Variants in KATNIP observed in about 807,000 individuals in gnomAD.
The protein encoded by KATNIP is katanin-interacting protein.
In KATNIP, 126 loss-of-function variants were observed where a neutral mutation model predicts 174.0. The ratio of observed to expected loss-of-function variants is 0.72; its 90% CI spans 0.63 to 0.84. The LOEUF is 0.84. Ranked by LOEUF, KATNIP falls within the 40% of genes least tolerant of loss-of-function variation. The pLI, the probability that KATNIP is intolerant of heterozygous loss-of-function variation, is 0.00. For missense variants in KATNIP, 1,958 were observed against 2,109.7 expected (o/e 0.93, Z 1.41); for synonymous variants, 810 against 835.7 (o/e 0.97, Z 0.53).
intron 13 of KATNIP, among the ~76,000 whole-genome samples, chr16:27,710,682 T>C (rs1377930714): frequency 2.0e-5 from 3 of 152,194 alleles, no homozygotes; most frequent in African/African-American, 7.2e-5. Flanking sequence ...TGTAAAATTT[T>C]TTATAGAGAC....
chr16:27,669,134 CA>C (rs1333587620), intron 6 of KATNIP, among the ~76,000 whole-genome samples: 4 of 152,310 alleles, frequency 2.6e-5, no homozygotes, highest in Non-Finnish European at 4.4e-5. Flanking sequence ...ACTATTATTG[CA>C]AAAACTTCAT....
At chr16:27,559,488 C>T (rs576721371) in intron 1 of KATNIP, among the ~76,000 whole-genome samples, 2 of 151,220 alleles carry the variant, frequency 1.3e-5, no homozygotes, top group Admixed American at 1.3e-4. Context: ...TTGAGATCAG[C>T]CTGGGCAACA....
intron 13 of KATNIP, among the ~76,000 whole-genome samples, chr16:27,719,934 G>A (rs570050897): frequency 6.4e-4 from 97 of 151,764 alleles, no homozygotes; most frequent in African/African-American, 2.2e-3. Flanking sequence ...AGCCTCCCAA[G>A]TCACTGGGAT....
At position 27,761,583 on chromosome 16, in the gene KATNIP, C is replaced by G; in HGVS notation, c.3802C>G (p.Leu1268Val). ...LPEYSDDSRA[L>V]DKLIDGTNIT... ...CGAGTACTCTGACGACTCCCGGGCCCTGGACAAGTAAGTGTCTATCAGAAG... is the reference window on the plus strand; with the variant it reads ...CGAGTACTCTGACGACTCCCGGGCCGTGGACAAGTAAGTGTCTATCAGAAG... The change falls in exon 19 of 28, where the codon CTG (leucine) becomes GTG (valine). Residue 1268 changes from leucine (L) to valine (V), a missense_variant. By Grantham distance (32) the Leu-to-Val change is conservative. Around this residue, in one of 3 missense-constraint regions of KATNIP, gnomAD observed 18 missense variants for 35.8 expected, o/e 0.50. Coordinates refer to ENST00000261588, the MANE Select transcript of KATNIP (RefSeq NM_015202.5). 1 of 1,613,108 alleles carries G rather than the reference C, an allele frequency of 6.2e-7. No homozygotes were observed. The highest frequency in any genetic ancestry group is 8.5e-7 in the Non-Finnish European group (1 of 1,179,276).
rs1028886803 is a variant in KATNIP, at chr16:27,740,369, G to A, written c.2072G>A (p.Ser691Asn). The A allele has an allele frequency of 1.2e-6, 2 of 1,614,160 alleles. No individual in the cohort carries two copies. Among genetic ancestry groups the A allele is most frequent in the East Asian group, 2.2e-5 (1 of 44,892 alleles). ...RKNSTNCRKD[S>N]LSQLEEYLRL... ...AATTCTACTAATTGCAGGAAAGACA[G>A]TTTGTCCCAGTTAGAGGAATATTTG... Residue 691 changes from serine (S) to asparagine (N), a missense_variant, in exon 15 of 28, where the codon AGT becomes AAT. By Grantham distance (46) the Ser-to-Asn change is conservative. Coordinates refer to ENST00000261588, the MANE Select transcript of KATNIP (RefSeq NM_015202.5).
At chr16:27,708,510 T>G (rs748033168) in intron 12 of KATNIP, 195 bp from the exon 13 acceptor site, 26 of 521,264 alleles carry the variant, frequency 5.0e-5, no homozygotes, top group Non-Finnish European at 7.7e-5. Context: ...CTATTTTGAA[T>G]GCTTTACAGT....
intron 13 of KATNIP, among the ~76,000 whole-genome samples, chr16:27,712,880 A>G (rs1278323729): frequency 6.6e-6 from 1 of 152,034 alleles, no homozygotes; most frequent in Non-Finnish European, 1.5e-5. Flanking sequence ...GTCATTGTTC[A>G]CTGCAGCCTC....
At chr16:27,705,525 A>G (rs1255542037) in intron 12 of KATNIP, among the ~76,000 whole-genome samples, 1 of 152,104 alleles carries the variant, frequency 6.6e-6, no homozygotes, top group Admixed American at 6.5e-5. Flanking sequence ...CATGCCCCAC[A>G]GGCCACTGTG....
At chr16:27,551,211 G>T (rs1213345666) in intron 1 of KATNIP, among the ~76,000 whole-genome samples, 2 of 152,162 alleles carry the variant, frequency 1.3e-5, no homozygotes, top group Non-Finnish European at 2.9e-5. Context: ...TAGGGTCTGG[G>T]CTAGAGTCCA....
chr16:27,571,054 A>T (rs2090272982), intron 1 of KATNIP, among the ~76,000 whole-genome samples: 1 of 152,100 alleles, frequency 6.6e-6, no homozygotes, highest in Admixed American at 6.6e-5. Context: ...TTGTTTTGAG[A>T]CAGAGTCTCA....
intron 5 of KATNIP, among the ~76,000 whole-genome samples, chr16:27,646,441 T>C (rs2076957967): frequency 6.6e-6 from 1 of 152,172 alleles, no homozygotes; most frequent in African/African-American, 2.4e-5. Context: ...AAGGGTGGAA[T>C]AGGTGGATTG....
At chr16:27,691,096 G>A (rs552271833) in intron 8 of KATNIP, among the ~76,000 whole-genome samples, 3 of 152,100 alleles carry the variant, frequency 2.0e-5, no homozygotes, top group East Asian at 1.9e-4. Context: ...TCGCCATTTC[G>A]GTGGCTTCCC....
intron 14 of KATNIP, among the ~76,000 whole-genome samples, chr16:27,728,193 G>A (rs919760153): frequency 6.6e-6 from 1 of 152,264 alleles, no homozygotes; most frequent in African/African-American, 2.4e-5. Flanking sequence ...GTGGAAAGGG[G>A]ACTGACCCCA....
chr16:27,713,086 G>A (rs980235469), intron 13 of KATNIP, among the ~76,000 whole-genome samples: 1 of 152,074 alleles, frequency 6.6e-6, no homozygotes, highest in African/African-American at 2.4e-5. Context: ...GGGATTACAG[G>A]CATCAGCCAC....
At chr16:27,580,305 G>A (rs747859064) in intron 2 of KATNIP, among the ~76,000 whole-genome samples, 5 of 152,246 alleles carry the variant, frequency 3.3e-5, no homozygotes, top group Non-Finnish European at 7.4e-5. Context: ...TAGAAACAGG[G>A]TTTTGCCGTG....
Position 27,613,872 on chromosome 16 carries a change from A to G in KATNIP, c.64-4553A>G, listed in dbSNP as rs562917184. Reference sequence around the variant, plus strand: ...CAGGGGAGGACAGAGTAGCCTCTGTAGGCACCTCCAGAAGCCAGGAAAGCT... The same window carrying G: ...CAGGGGAGGACAGAGTAGCCTCTGTGGGCACCTCCAGAAGCCAGGAAAGCT... On this transcript the variant is annotated intron_variant, in intron 2 of 27. Coordinates refer to ENST00000261588, the MANE Select transcript of KATNIP (RefSeq NM_015202.5). Among the ~76,000 whole-genome samples the G allele has an allele frequency of 1.1e-3, 162 of 152,256 alleles. 3 individuals are homozygous for G. The highest frequency in any genetic ancestry group is 4.8e-3 in the South Asian group (23 of 4,822).
At chr16:27,711,282 G>T (rs965729458) in intron 13 of KATNIP, among the ~76,000 whole-genome samples, 1 of 152,124 alleles carries the variant, frequency 6.6e-6, no homozygotes, top group African/African-American at 2.4e-5. Context: ...CAGACTTGAG[G>T]TTCTGGGGGA....
chr16:27,567,690 A>G (rs774344889), intron 1 of KATNIP, among the ~76,000 whole-genome samples: 1 of 152,128 alleles, frequency 6.6e-6, no homozygotes, highest in Non-Finnish European at 1.5e-5. Flanking sequence ...CGCCTGGGTA[A>G]TTTTTGTATT....
chr16:27,652,680 G>A (rs559167456), intron 6 of KATNIP, among the ~76,000 whole-genome samples: 56 of 151,910 alleles, frequency 3.7e-4, no homozygotes, highest in African/African-American at 1.3e-3. Context: ...AGGTGTAGTG[G>A]CACACACCTG....
Sources: gnomAD v4.1 joint callset for allele counts (sites outside exome capture counted in the v4.1 genomes callset) on GRCh38, gnomAD v4.1.1 for gene constraint, gnomAD v4.1.1 regional missense constraint, MANE v1.5 for transcripts, NCBI Gene and HGNC (gene_info 2026-07-23, HGNC 2026-07-21) for gene names.